The following SLC6A8 variants were observed in gnomAD, a reference collection of about 807,000 sequenced individuals.
SLC6A8 encodes the protein solute carrier family 6 member 8.
A neutral mutation model predicts 48.3 loss-of-function variants in SLC6A8; 6 were observed. The ratio of observed to expected loss-of-function variants is 0.12; its 90% CI spans 0.07 to 0.25. The LOEUF is 0.25. Among genes scored for constraint, SLC6A8 ranks in the 10% least tolerant of loss-of-function variants. The probability of loss-of-function intolerance (pLI) is 1.00; values close to 1 mark genes in which losing one functional copy is unlikely to be tolerated. For missense variants in SLC6A8, 260 were observed against 551.5 expected (o/e 0.47, Z 5.29); for synonymous variants, 245 against 244.0 (o/e 1.00, Z -0.04).
rs782000377 is a variant in SLC6A8, at chrX:153,694,562, T to C, written c.1525T>C (p.Cys509Arg). ...GADRFMDDIA[C>R]MIGYRPCPWM... ...TGACCGCTTCATGGACGACATTGCC[T>C]GTATGATCGGGTACCGACCTTGCCC... is the stretch of plus-strand genomic sequence containing the variant. The change falls in exon 11 of 13, where the codon TGT becomes CGT. Residue 509 changes from cysteine to arginine, a missense_variant. Transcript: ENST00000253122. The C allele has an allele frequency of 1.4e-5, 17 of 1,207,274 alleles. No individual in the cohort carries two copies. The highest frequency in any genetic ancestry group is 8.8e-5 in the Admixed American group (4 of 45,655).
At position 153,696,062 on chromosome X, in the gene SLC6A8, G is replaced by A. The variant is rs781929482; in HGVS notation, c.*848G>A. ...ACCCCTCTGCCCCTAGCCAAGGAGT[G>A]TGAATTTATAGATCTAACTTTCATA... On this transcript the variant is annotated 3_prime_UTR_variant, in exon 13 of 13. Transcript: ENST00000253122. 28 of 171,319 alleles carry A rather than the reference G, an allele frequency of 1.6e-4. No homozygotes were observed. Among genetic ancestry groups the A allele is most frequent in the Non-Finnish European group, 3.0e-4 (27 of 90,954 alleles). The allele number at this position is 171,319 out of a possible 1,213,427, so 14.1% of individuals were successfully genotyped here. A position where few individuals can be genotyped will look rare whatever the true frequency, so the allele number is the denominator to read the frequency against.
rs782388525 is a variant in SLC6A8 at position 153,688,705 on chromosome X, G to A, written c.131G>A (p.Gly44Asp). Residue 44 changes from glycine to aspartate, a missense_variant, in exon 1 of 13, where the codon GGC becomes GAC. Gly to Asp is a moderately conservative substitution (Grantham distance 94). This residue lies in a region of SLC6A8 where 50 missense variants were observed against 55.1 expected (regional missense o/e 0.91). Coordinates refer to ENST00000253122, the MANE Select transcript of SLC6A8 (RefSeq NM_005629.4). Reference sequence around the variant, plus strand: ...GGCCCCGTGGGCCTGGGGACACCCGGCGGCCGCCTGGCCGTGCCGCCGCGC... The same window carrying A: ...GGCCCCGTGGGCCTGGGGACACCCGACGGCCGCCTGGCCGTGCCGCCGCGC... ...GDGPVGLGTP[G>D]GRLAVPPRET... is the part of the protein sequence containing the mutation. 13 of 1,126,946 alleles carry A rather than the reference G, an allele frequency of 1.2e-5. No individual in the cohort carries two copies. The highest frequency in any genetic ancestry group is 1.2e-5 in the Non-Finnish European group (10 of 851,367). 92.9% of individuals were successfully genotyped at this position (1,126,946 alleles called of 1,213,427 possible).
chrX:153,695,246 G>T lies in SLC6A8; in HGVS notation c.*32G>T, dbSNP rs1557045908. ...AGCTCACATCACCAGCTCACCTCTG[G>T]TAGCCATAGCAGCCCCTGCTTCAGC... On this transcript the variant is annotated 3_prime_UTR_variant, in exon 13 of 13. Coordinates refer to ENST00000253122, the MANE Select transcript of SLC6A8 (RefSeq NM_005629.4). 3 of 1,166,825 alleles carry T rather than the reference G, an allele frequency of 2.6e-6. No homozygotes were observed. Among genetic ancestry groups the T allele is most frequent in the Admixed American group, 4.9e-5 (2 of 40,716 alleles).
Position 153,694,514 on chromosome X carries a change from C to T in SLC6A8, c.1496-19C>T. On this transcript the variant is annotated intron_variant, in intron 10 of 12. Coordinates refer to ENST00000253122, the MANE Select transcript of SLC6A8 (RefSeq NM_005629.4). Reference sequence around the variant, plus strand: ...AAGGCAGGTCTCCAGCTTGGCCCTCCCGCCTCACCTCGCCGCAGGAGCTGA... The same window carrying T: ...AAGGCAGGTCTCCAGCTTGGCCCTCTCGCCTCACCTCGCCGCAGGAGCTGA... 8 of 1,203,771 alleles carry T rather than the reference C, an allele frequency of 6.6e-6. No homozygotes were observed. Among genetic ancestry groups the T allele is most frequent in the Non-Finnish European group, 7.9e-6 (7 of 888,455 alleles).
chrX:153,693,186 G>A lies in SLC6A8; in HGVS notation c.912+11G>A. Reference sequence around the variant, plus strand: ...CTGGGGTCCCCTCAGGTGAGGTGGAGGTGGAGAGGCTGCAGCAGGGCGCTG... The same window carrying A: ...CTGGGGTCCCCTCAGGTGAGGTGGAAGTGGAGAGGCTGCAGCAGGGCGCTG... On this transcript the variant is annotated intron_variant, in intron 5 of 12. Coordinates refer to ENST00000253122, the MANE Select transcript of SLC6A8 (RefSeq NM_005629.4). The A allele has an allele frequency of 1.7e-6, 2 of 1,211,331 alleles. No individual in the cohort carries two copies. Among genetic ancestry groups the A allele is most frequent in the African/African-American group, 1.7e-5 (1 of 57,974 alleles).
rs202034702 is a variant in SLC6A8, at chrX:153,690,356, G to A, written c.263-19G>A. 2.1e-5 allele frequency: 25 copies of A among 1,188,736 alleles called. No homozygotes were observed. Among genetic ancestry groups the A allele is most frequent in the Admixed American group, 1.4e-4 (6 of 42,921 alleles). On this transcript the variant is annotated intron_variant, in intron 1 of 12. Transcript: ENST00000253122. ...TGGCTGGGGGCCACCCTGAGTCCAC[G>A]CTGTGCCTCCACCCCCAGGTGTGTT...
At chrX:153,693,390 C>A in intron 6 of SLC6A8, 24 bp downstream of exon 6, 1 of 1,204,508 alleles carries the variant, frequency 8.3e-7, no homozygotes. Flanking sequence ...CCCTGCCACC[C>A]GTGCCCTGTC....
In SLC6A8 at chrX:153,688,782, G is replaced by A. The variant is rs1557043857; in HGVS notation, c.208G>A (p.Val70Met). The A allele has an allele frequency of 1.8e-6, 2 of 1,139,588 alleles. No homozygotes were observed. The highest frequency in any genetic ancestry group is 1.9e-5 in the African/African-American group (1 of 52,960). 93.9% of individuals were successfully genotyped at this position (1,139,588 alleles called of 1,213,427 possible). The change falls in exon 1 of 13, where the codon GTG becomes ATG. Residue 70 changes from valine (V) to methionine (M), a missense_variant. Val to Met is a conservative substitution (Grantham distance 21). Coordinates refer to ENST00000253122, the MANE Select transcript of SLC6A8 (RefSeq NM_005629.4). ...DFIMSCVGFA[V>M]GLGNVWRFPY... ...CATCATGTCGTGCGTGGGCTTCGCC[G>A]TGGGCTTGGGCAACGTGTGGCGCTT...
intron 7 of SLC6A8, 85 bp downstream of exon 7, chrX:153,693,671 GAA>G: frequency 9.5e-7 from 1 of 1,053,565 alleles, no homozygotes; most frequent in Non-Finnish European, 1.3e-6. Flanking sequence ...TAGAAATGCT[GAA>G]AAGTGACGAG....
chrX:153,692,329 C>T (rs1245641821), intron 4 of SLC6A8: 17 of 464,356 alleles, frequency 3.7e-5, no homozygotes, highest in African/African-American at 3.6e-4. Context: ...CTTCCCTGTG[C>T]CCATCACCCC....
rs1386064867 is a variant in SLC6A8 at position 153,689,830 on chromosome X, C to G, written c.263-545C>G. The stretch of plus-strand genomic sequence containing the variant: ...GGCCGGCCTGGCCCCTCTTCCGCAC[C>G]TGTATCCCTCTGTCCTTGCACATCG... On this transcript the variant is annotated intron_variant, in intron 1 of 12. Transcript: ENST00000253122. Among the ~76,000 whole-genome samples the G allele has an allele frequency of 3.6e-5, 4 of 112,198 alleles. No homozygotes were observed. The East Asian group carries it at 1.1e-3, about 32-fold the overall frequency.
chrX:153,693,660 A>G (rs41301325), intron 7 of SLC6A8, 74 bp downstream of exon 7: 3 of 1,081,324 alleles, frequency 2.8e-6, no homozygotes, highest in Non-Finnish European at 3.9e-6. Flanking sequence ...GGAACATGCA[A>G]TAGAAATGCT....
Position 153,695,423 on chromosome X carries a change from T to A in SLC6A8, c.*209T>A. Reference sequence around the variant, plus strand: ...AATATCACAACCCACCAAAAATAGATGCCTCTCCCCCTCCAGCCCTAGCCG... The same window carrying A: ...AATATCACAACCCACCAAAAATAGAAGCCTCTCCCCCTCCAGCCCTAGCCG... On this transcript the variant is annotated 3_prime_UTR_variant, in exon 13 of 13. Coordinates refer to ENST00000253122, the MANE Select transcript of SLC6A8 (RefSeq NM_005629.4). The A allele has an allele frequency of 2.2e-6, 1 of 449,742 alleles. No individual in the cohort carries two copies. The allele number at this position is 449,742 out of a possible 1,213,427, so 37.1% of individuals were successfully genotyped here. A position where few individuals can be genotyped will look rare whatever the true frequency, so the allele number is the denominator to read the frequency against.
At position 153,695,634 on chromosome X, in the gene SLC6A8, C is replaced by T. The variant is rs1304911810; in HGVS notation, c.*420C>T. 3.2e-4 allele frequency: 59 copies of T among 185,121 alleles called. No individual in the cohort carries two copies. The highest frequency in any genetic ancestry group is 5.5e-4 in the Non-Finnish European group (55 of 100,299). 15.3% of individuals were successfully genotyped at this position (185,121 alleles called of 1,213,427 possible). A position where few individuals can be genotyped will look rare whatever the true frequency, so the allele number is the denominator to read the frequency against. ...TGTGAGGAAGGGAAGGAGGGAGAGA[C>T]GGGAGGGAGGAGAGAGAGGAGAAGG... On this transcript the variant is annotated 3_prime_UTR_variant, in exon 13 of 13. Coordinates refer to ENST00000253122, the MANE Select transcript of SLC6A8 (RefSeq NM_005629.4).
intron 7 of SLC6A8, 122 bp downstream of exon 7, chrX:153,693,708 G>A (rs1477366848): frequency 3.4e-6 from 3 of 894,091 alleles, no homozygotes; most frequent in African/African-American, 1.9e-5. Flanking sequence ...TTGTCAGATT[G>A]TGGGCCTGTG....
rs1243321573 is a variant in SLC6A8, at chrX:153,696,470, C to T, written c.*1256C>T. 15 of 330,535 alleles carry T rather than the reference C, an allele frequency of 4.5e-5. No individual in the cohort carries two copies. Among genetic ancestry groups the T allele is most frequent in the Admixed American group, 6.2e-5 (2 of 32,208 alleles). 27.2% of individuals were successfully genotyped at this position (330,535 alleles called of 1,213,427 possible). ...TGAGTGACCCCAAGAAAGGCTTCCC[C>T]GACACCCAGACAGAGGCTGCAGGGC... On this transcript the variant is annotated 3_prime_UTR_variant, in exon 13 of 13. Transcript: ENST00000253122.
rs782371864 is a variant in SLC6A8 at position 153,696,188 on chromosome X, G to A, written c.*974G>A. The A allele has an allele frequency of 2.8e-5, 7 of 247,526 alleles. No homozygotes were observed. The highest frequency in any genetic ancestry group is 2.4e-4 in the South Asian group (6 of 25,324). 20.4% of individuals were successfully genotyped at this position (247,526 alleles called of 1,213,427 possible). A position where few individuals can be genotyped will look rare whatever the true frequency, so the allele number is the denominator to read the frequency against. On this transcript the variant is annotated 3_prime_UTR_variant, in exon 13 of 13. Coordinates refer to ENST00000253122, the MANE Select transcript of SLC6A8 (RefSeq NM_005629.4). ...ACTGGATTGGAAAAGTGCATGGTGG[G>A]GGCCTCGGGGCTGTCCCCACGCTGT... is the stretch of plus-strand genomic sequence containing the variant.
chrX:153,696,287 G>A lies in SLC6A8; in HGVS notation c.*1073G>A, dbSNP rs781977609. 95 of 313,501 alleles carry A rather than the reference G, an allele frequency of 3.0e-4. No individual in the cohort carries two copies. The highest frequency in any genetic ancestry group is 9.4e-4 in the Middle Eastern group (2 of 2,134). The allele number at this position is 313,501 out of a possible 1,213,427, so 25.8% of individuals were successfully genotyped here. A position where few individuals can be genotyped will look rare whatever the true frequency, so the allele number is the denominator to read the frequency against. Reference sequence around the variant, plus strand: ...GGTGTCTGGGCTGCTAACCTGGCCTGCTCAGGCTTCCCACCCTGTGCGGGG... The same window carrying A: ...GGTGTCTGGGCTGCTAACCTGGCCTACTCAGGCTTCCCACCCTGTGCGGGG... On this transcript the variant is annotated 3_prime_UTR_variant, in exon 13 of 13. Coordinates refer to ENST00000253122, the MANE Select transcript of SLC6A8 (RefSeq NM_005629.4).
rs60100462 is a variant in SLC6A8, at chrX:153,695,519, C to T, written c.*305C>T. The stretch of plus-strand genomic sequence containing the variant: ...CTGCACTCCTCCTGCCCCTGCCACG[C>T]CCACCCCCTGCCCACCTCTCCAGGC... On this transcript the variant is annotated 3_prime_UTR_variant, in exon 13 of 13. Coordinates refer to ENST00000253122, the MANE Select transcript of SLC6A8 (RefSeq NM_005629.4). The T allele has an allele frequency of 5.8e-3, 1,944 of 337,117 alleles. 51 individuals carry two copies. Among genetic ancestry groups the T allele is most frequent in the African/African-American group, 0.049 (1,782 of 36,457 alleles). 27.8% of individuals were successfully genotyped at this position (337,117 alleles called of 1,213,427 possible).
Sources: allele counts gnomAD v4.1 joint callset (sites outside exome capture counted in the v4.1 genomes callset), GRCh38; gene constraint gnomAD v4.1.1; regional missense constraint gnomAD v4.1.1; transcripts MANE v1.5; gene names NCBI Gene and HGNC (gene_info 2026-07-23, HGNC 2026-07-21).